ZNRF3: variants seen among roughly 807,000 people sequenced by gnomAD.
ZNRF3 encodes the protein E3 ubiquitin-protein ligase ZNRF3.
ZNRF3 carries 23 observed loss-of-function variants against 72.5 expected under a neutral mutation model. The ratio of observed to expected loss-of-function variants is 0.32; its 90% CI spans 0.23 to 0.45. The LOEUF is 0.45. ZNRF3 is among the 20% of genes least tolerant of loss of function. The pLI is 1.00. For synonymous variants in ZNRF3, 610 were observed against 545.3 expected (o/e 1.12, Z -1.65); for missense variants, 1,169 against 1,272.1 (o/e 0.92, Z 1.23).
chr22:29,052,908 G>A (rs1325252592), intron 8 of ZNRF3, among the ~76,000 whole-genome samples: 1 of 152,104 alleles, frequency 6.6e-6, no homozygotes, highest in African/African-American at 2.4e-5. Context: ...AAGAGATTGA[G>A]GCTGTAGTCA....
rs1355677593 is a variant in ZNRF3, at chr22:28,889,405, T to C, written c.300+5339T>C. On this transcript the variant is annotated intron_variant, in intron 1 of 8. Coordinates refer to ENST00000544604, the MANE Select transcript of ZNRF3 (RefSeq NM_001206998.2). ...GGGGAAACTCTAATCTAGTAGAGCA[T>C]TGAATAATCCATTACCAAGAGTTTG... is the stretch of plus-strand genomic sequence containing the variant. Among the ~76,000 whole-genome samples the C allele has an allele frequency of 2.6e-5, 4 of 152,184 alleles. No homozygotes were observed. In the East Asian group the frequency reaches 7.7e-4, roughly 29 times the overall value.
At position 29,048,335 on chromosome 22, in the gene ZNRF3, AG is replaced by A. The variant is rs1331510228; in HGVS notation, c.913-52del. 2.0e-5 allele frequency: 30 copies of A among 1,483,406 alleles called. 1 individual carries two copies. Among genetic ancestry groups the A allele is most frequent in the Non-Finnish European group, 5.6e-6 (6 of 1,064,572 alleles). The allele number at this position is 1,483,406 out of a possible 1,614,324, so 91.9% of individuals were successfully genotyped here. On this transcript the variant is annotated intron_variant, in intron 6 of 8. Transcript: ENST00000544604. This position sits in a 1 kb window ranked among gnomAD's most constrained non-coding sequence, Gnocchi z 4.9. ...CTTGGTCTATGCTGGACTCTGCAGGAGGACACACCTGCGAGGCTGAAGGCAG... is the reference window on the plus strand; with the variant it reads ...CTTGGTCTATGCTGGACTCTGCAGGAGACACACCTGCGAGGCTGAAGGCAG...
rs2037173896 is a variant in ZNRF3 at position 29,050,296 on chromosome 22, C to T, written c.2115C>T (p.His705=). The change falls in exon 8 of 9, where the codon CAC becomes CAT. Residue 705 remains histidine, a synonymous_variant. Coordinates refer to ENST00000544604, the MANE Select transcript of ZNRF3 (RefSeq NM_001206998.2). ...PDLRRTWKGG[H]ELPSCACCCE... ...TCAGGAGGACCTGGAAGGGGGGCCA[C>T]GAGTTGCCGTCGTGTGCCTGCTGCT... The T allele has an allele frequency of 3.6e-5, 58 of 1,597,920 alleles. No individual in the cohort carries two copies. Among genetic ancestry groups the T allele is most frequent in the Non-Finnish European group, 4.9e-5 (58 of 1,178,136 alleles).
chr22:28,969,100 T>A (rs2035526375), intron 1 of ZNRF3, among the ~76,000 whole-genome samples: 1 of 152,208 alleles, frequency 6.6e-6, no homozygotes, highest in Non-Finnish European at 1.5e-5. Context: ...AATTGTCAGA[T>A]GTTTTCAGTC....
At chr22:29,036,982 C>T (rs2036877749) in intron 2 of ZNRF3, among the ~76,000 whole-genome samples, 1 of 152,188 alleles carries the variant, frequency 6.6e-6, no homozygotes, top group Non-Finnish European at 1.5e-5. Context: ...GAAGACATGT[C>T]TTCATATTAG....
intron 2 of ZNRF3, among the ~76,000 whole-genome samples, chr22:29,028,061 T>C (rs1479878706): frequency 6.6e-6 from 1 of 152,218 alleles, no homozygotes; most frequent in Non-Finnish European, 1.5e-5. Context: ...TTTCTTAAAC[T>C]CTACTAATAC....
intron 6 of ZNRF3, among the ~76,000 whole-genome samples, 163 bp downstream of exon 6, chr22:29,047,046 T>C (rs1010577123): frequency 1.3e-5 from 2 of 152,154 alleles, no homozygotes; most frequent in Non-Finnish European, 2.9e-5. Context: ...TAGCTGGGTG[T>C]TTTTACTTAC....
chr22:28,917,072 C>T (rs1315240971), intron 1 of ZNRF3, among the ~76,000 whole-genome samples: 4 of 152,068 alleles, frequency 2.6e-5, no homozygotes, highest in Non-Finnish European at 4.4e-5. Flanking sequence ...GATGCCCTTG[C>T]CAGTGGATGG....
chr22:29,047,319 A>G (rs1340574842), intron 6 of ZNRF3, among the ~76,000 whole-genome samples: 1 of 152,220 alleles, frequency 6.6e-6, no homozygotes, highest in African/African-American at 2.4e-5. Flanking sequence ...TCAGGGGCCT[A>G]GAATCATCCA....
intron 2 of ZNRF3, among the ~76,000 whole-genome samples, chr22:28,995,586 G>T (rs1601642744): frequency 6.6e-6 from 1 of 152,270 alleles, no homozygotes; most frequent in African/African-American, 2.4e-5. Context: ...TGATGAATGG[G>T]TTTTGCCAAA....
chr22:28,932,572 T>C (rs1488733569), intron 1 of ZNRF3, among the ~76,000 whole-genome samples: 1 of 152,224 alleles, frequency 6.6e-6, no homozygotes, highest in African/African-American at 2.4e-5. Flanking sequence ...ACCATGCTGC[T>C]GCTCATCTTG....
intron 1 of ZNRF3, among the ~76,000 whole-genome samples, chr22:28,902,710 C>T (rs1291550141): frequency 6.6e-6 from 1 of 152,168 alleles, no homozygotes; most frequent in East Asian, 1.9e-4. Flanking sequence ...CTTTGCCTCT[C>T]TGGATCTCAG....
At chr22:28,890,384 C>G (rs997820904) in intron 1 of ZNRF3, among the ~76,000 whole-genome samples, 1 of 152,118 alleles carries the variant, frequency 6.6e-6, no homozygotes, top group Admixed American at 6.5e-5. Flanking sequence ...CCTGTAGTCC[C>G]AGCTACTGGG....
chr22:28,979,859 C>T (rs1476749967), intron 1 of ZNRF3, among the ~76,000 whole-genome samples: 1 of 152,198 alleles, frequency 6.6e-6, no homozygotes, highest in Non-Finnish European at 1.5e-5. Flanking sequence ...CTGTAGGAAC[C>T]AGTAAGCACC....
intron 1 of ZNRF3, among the ~76,000 whole-genome samples, chr22:28,903,741 A>G (rs546801849): frequency 6.6e-6 from 1 of 152,208 alleles, no homozygotes; most frequent in South Asian, 2.1e-4. Flanking sequence ...TGTTTTCCGC[A>G]AGAGGTTCCA....
Position 29,051,880 on chromosome 22 carries a change from C to CAA in ZNRF3, c.2767+950_2767+951dup, listed in dbSNP as rs758308347. 1.5e-3 allele frequency among the ~76,000 whole-genome samples: 122 copies of CAA among 83,588 alleles called. 2 individuals are homozygous for CAA. In the South Asian group the frequency reaches 0.016, roughly 11 times the overall value. The allele number at this position is 83,588 out of a possible 152,430, so 54.8% of individuals were successfully genotyped here. On this transcript the variant is annotated intron_variant, in intron 8 of 8. Transcript: ENST00000544604. The stretch of plus-strand genomic sequence containing the variant: ...CGCTCCAGCCTGAGCGACTCCATCT[C>CAA]AAAAAAAAAAAAAAAAAAACCTAGG...
chr22:29,019,423 C>T lies in ZNRF3; in HGVS notation c.427-23072C>T, dbSNP rs553318776. Among the ~76,000 whole-genome samples the T allele has an allele frequency of 2.6e-5, 4 of 152,234 alleles. No individual in the cohort carries two copies. The South Asian group carries it at 8.3e-4, about 32-fold the overall frequency. ...GTAAAGATTGAAGATTACAACAGAACAACTTAAATTCTGAAGACCCATTTA... is the reference window on the plus strand; with the variant it reads ...GTAAAGATTGAAGATTACAACAGAATAACTTAAATTCTGAAGACCCATTTA... On this transcript the variant is annotated intron_variant, in intron 2 of 8. Transcript: ENST00000544604.
chr22:29,038,478 G>T (rs1188042734), intron 2 of ZNRF3, among the ~76,000 whole-genome samples: 1 of 151,870 alleles, frequency 6.6e-6, no homozygotes, highest in Non-Finnish European at 1.5e-5. Flanking sequence ...GACTACAGGT[G>T]AATGCCACCA....
At chr22:28,986,118 C>CA (rs2035850554) in intron 1 of ZNRF3, among the ~76,000 whole-genome samples, 1 of 152,224 alleles carries the variant, frequency 6.6e-6, no homozygotes, top group Non-Finnish European at 1.5e-5. Flanking sequence ...ATCTCAAACT[C>CA]AATCACATCT....
Sources: gnomAD v4.1 joint callset for allele counts (sites outside exome capture counted in the v4.1 genomes callset) on GRCh38, gnomAD v4.1.1 for gene constraint, Gnocchi (gnomAD v3.1) non-coding constraint, MANE v1.5 for transcripts, NCBI Gene and HGNC (gene_info 2026-07-23, HGNC 2026-07-21) for gene names.